SLC25A43: variants seen among roughly 807,000 people sequenced by gnomAD.
SLC25A43 encodes solute carrier family 25 member 43, also known as solute carrier family 25, member 43.
SLC25A43 carries 10 observed loss-of-function variants against 22.8 expected under a neutral mutation model. The ratio of observed to expected loss-of-function variants is 0.44; its 90% CI spans 0.27 to 0.74. The LOEUF (loss-of-function observed/expected upper bound fraction) is 0.74, where lower values mean the gene tolerates loss of function less well. Among genes scored for constraint, SLC25A43 ranks in the 30% least tolerant of loss-of-function variants. SLC25A43 has a pLI of 0.17. For synonymous variants in SLC25A43, 106 were observed against 121.6 expected (o/e 0.87, Z 0.84); for missense variants, 233 against 279.1 (o/e 0.83, Z 1.18).
intron 1 of SLC25A43, among the ~76,000 whole-genome samples, chrX:119,401,590 A>G (rs926925880): frequency 9.1e-6 from 1 of 110,458 alleles, no homozygotes; most frequent in African/African-American, 3.3e-5. Context: ...GATGTCAGCA[A>G]ATGCACAGAG....
intron 1 of SLC25A43, 44 bp from the exon 2 acceptor site, chrX:119,406,416 A>G: frequency 8.3e-7 from 1 of 1,200,976 alleles, no homozygotes. Context: ...CTCTAGCACA[A>G]TCCATAGTTG....
intron 3 of SLC25A43, among the ~76,000 whole-genome samples, chrX:119,443,499 A>G (rs1603299064): frequency 1.1e-5 from 1 of 88,828 alleles, no homozygotes; most frequent in Non-Finnish European, 2.1e-5. Flanking sequence ...CCCAGGCTGG[A>G]GTGCAGTGGC....
chrX:119,449,339 A>G (rs1376091677), intron 3 of SLC25A43, among the ~76,000 whole-genome samples: 1 of 105,496 alleles, frequency 9.5e-6, no homozygotes, highest in African/African-American at 3.5e-5. Flanking sequence ...GCTTGAACCC[A>G]GGAGGCAGAG....
chrX:119,452,503 A>C (rs1379707890), intron 4 of SLC25A43, among the ~76,000 whole-genome samples: 3 of 110,268 alleles, frequency 2.7e-5, no homozygotes, highest in East Asian at 2.8e-4. Context: ...AAAAAAAAAA[A>C]AAAACAAAAA....
intron 1 of SLC25A43, among the ~76,000 whole-genome samples, chrX:119,404,984 C>G (rs2052276859): frequency 9.0e-6 from 1 of 111,588 alleles, no homozygotes; most frequent in Non-Finnish European, 1.9e-5. Flanking sequence ...GGATGAGGAT[C>G]TTTTAACCCA....
chrX:119,411,883 T>A (rs930771939), intron 3 of SLC25A43, among the ~76,000 whole-genome samples: 4 of 111,873 alleles, frequency 3.6e-5, no homozygotes, highest in African/African-American at 9.7e-5. Context: ...AAAATAAAAA[T>A]TTTTAAAAAA....
rs149254489 is a variant in SLC25A43, at chrX:119,412,300, T to C, written c.690+1938T>C. Among the ~76,000 whole-genome samples the C allele has an allele frequency of 5.4e-3, 603 of 112,001 alleles. 3 individuals carry two copies. The highest frequency in any genetic ancestry group is 0.018 in the African/African-American group (559 of 30,873). ...GGTGCAAAATTTTTCTATTCGTTGG[T>C]AAGAAGTCTTTATATATTAAAGATA... On this transcript the variant is annotated intron_variant, in intron 3 of 4. Transcript: ENST00000217909.
At chrX:119,450,283 A>C (rs1471322142) in intron 3 of SLC25A43, among the ~76,000 whole-genome samples, 2 of 111,799 alleles carry the variant, frequency 1.8e-5, no homozygotes, top group Non-Finnish European at 3.8e-5. Flanking sequence ...AAATCCAGTA[A>C]TAATATAGCC....
chrX:119,400,695 C>T (rs1008755078), intron 1 of SLC25A43, among the ~76,000 whole-genome samples: 9 of 112,298 alleles, frequency 8.0e-5, no homozygotes, highest in African/African-American at 2.9e-4. Context: ...ACCTGGCAGC[C>T]GACAAGCCGA....
chrX:119,419,994 A>G (rs1254079522), intron 3 of SLC25A43, among the ~76,000 whole-genome samples: 1 of 112,454 alleles, frequency 8.9e-6, no homozygotes, highest in Non-Finnish European at 1.9e-5. Flanking sequence ...GATCTTAAGC[A>G]TTGAATATTA....
intron 3 of SLC25A43, among the ~76,000 whole-genome samples, chrX:119,421,850 G>C (rs7066856): frequency 0.053 from 5,920 of 111,355 alleles, 156 homozygotes; most frequent in South Asian, 0.1. Context: ...TATTTTCACT[G>C]TCCCCCACCC....
Position 119,443,446 on chromosome X carries a change from CTCTTT to C in SLC25A43, c.691-8561_691-8557del, listed in dbSNP as rs202067880. Among the ~76,000 whole-genome samples, 186 of 52,680 alleles carry C rather than the reference CTCTTT, an allele frequency of 3.5e-3. 5 individuals are homozygous for C. In the East Asian group the frequency reaches 0.09, roughly 25 times the overall value. 45.7% of individuals were successfully genotyped at this position (52,680 alleles called of 115,157 possible). A position where few individuals can be genotyped will look rare whatever the true frequency, so the allele number is the denominator to read the frequency against. On this transcript the variant is annotated intron_variant, in intron 3 of 4. Transcript: ENST00000217909. ...CCCATTCTCTATTCTCTCTCTCTCT[CTCTTT>C]TTTTTTTTTTTTTTTGAGACAGAGT...
At chrX:119,421,178 A>G (rs756810954) in intron 3 of SLC25A43, among the ~76,000 whole-genome samples, 26 of 109,447 alleles carry the variant, frequency 2.4e-4, no homozygotes, top group African/African-American at 8.6e-4. Flanking sequence ...GGCTTTCAAA[A>G]GCATTCTGGA....
At chrX:119,421,623 C>G (rs773546441) in intron 3 of SLC25A43, among the ~76,000 whole-genome samples, 1 of 111,949 alleles carries the variant, frequency 8.9e-6, no homozygotes, top group East Asian at 2.8e-4. Context: ...TCAGTGATGG[C>G]TGTCTTTTCT....
chrX:119,451,980 A>G (rs425331), intron 3 of SLC25A43, 29 bp from the exon 4 acceptor site: 159,848 of 1,206,284 alleles, frequency 0.13, 7,968 homozygotes, highest in African/African-American at 0.26. Flanking sequence ...TGTTTCAATC[A>G]CCTCATCCCA....
At chrX:119,403,909 C>T (rs1423471566) in intron 1 of SLC25A43, among the ~76,000 whole-genome samples, 1 of 109,837 alleles carries the variant, frequency 9.1e-6, no homozygotes, top group African/African-American at 3.3e-5. Flanking sequence ...TCTACCTGGA[C>T]ATAATGTCAG....
chrX:119,449,503 G>A (rs1468028621), intron 3 of SLC25A43, among the ~76,000 whole-genome samples: 8 of 109,984 alleles, frequency 7.3e-5, no homozygotes, highest in African/African-American at 2.6e-4. Flanking sequence ...GCCAAGGTGG[G>A]AGGATCACGT....
chrX:119,448,344 T>G (rs907446068), intron 3 of SLC25A43, among the ~76,000 whole-genome samples: 3 of 111,726 alleles, frequency 2.7e-5, no homozygotes, highest in Non-Finnish European at 5.6e-5. Flanking sequence ...AGTGATCATG[T>G]GAAAATATAA....
intron 3 of SLC25A43, among the ~76,000 whole-genome samples, chrX:119,419,828 G>A (rs1031614267): frequency 2.7e-5 from 3 of 111,240 alleles, no homozygotes; most frequent in African/African-American, 9.8e-5. Flanking sequence ...CCCCTCACCC[G>A]GTTAACCTTG....
Sources: allele counts gnomAD v4.1 joint callset (sites outside exome capture counted in the v4.1 genomes callset), GRCh38; gene constraint gnomAD v4.1.1; transcripts MANE v1.5; gene names NCBI Gene and HGNC (gene_info 2026-07-23, HGNC 2026-07-21).